Variants in MTOR observed in about 807,000 individuals in gnomAD.
MTOR encodes serine/threonine-protein kinase mTOR.
In MTOR, 70 loss-of-function variants were observed where a neutral mutation model predicts 319.8. That is an observed-to-expected ratio of 0.22 (90% CI 0.18 to 0.27). The LOEUF (loss-of-function observed/expected upper bound fraction) is 0.27, where lower values mean the gene tolerates loss of function less well. Among genes scored for constraint, MTOR ranks in the 10% least tolerant of loss-of-function variants. The pLI is 1.00. For synonymous variants in MTOR, 1,183 were observed against 1,211.4 expected (o/e 0.98, Z 0.49); for missense variants, 1,890 against 3,274.4 (o/e 0.58, Z 10.32).
intron 28 of MTOR, among the ~76,000 whole-genome samples, chr1:11,172,435 G>A (rs1035281422): frequency 6.7e-6 from 1 of 149,452 alleles, no homozygotes; most frequent in Non-Finnish European, 1.5e-5. Context: ...GTGGGCGCCT[G>A]TATAGTCCTA....
At chr1:11,113,010 T>C in intron 53 of MTOR, 93 bp from the exon 54 acceptor site, 4 of 1,345,564 alleles carry the variant, frequency 3.0e-6, no homozygotes, top group Non-Finnish European at 4.2e-6. Context: ...AATATAATTG[T>C]TCGTAAAGCT....
intron 6 of MTOR, among the ~76,000 whole-genome samples, chr1:11,249,520 C>G (rs1649315262): frequency 6.8e-6 from 1 of 148,142 alleles, no homozygotes; most frequent in South Asian, 2.2e-4. Context: ...AGCAGATAAA[C>G]AAGTGAACAA....
chr1:11,194,430 A>G (rs1408643138), intron 28 of MTOR: 3 of 1,609,114 alleles, frequency 1.9e-6, no homozygotes, highest in African/African-American at 2.7e-5. Flanking sequence ...AGCCTGCTGC[A>G]CTTTCTTTAA....
chr1:11,135,874 C>T (rs1022114844), intron 36 of MTOR, among the ~76,000 whole-genome samples: 4 of 151,468 alleles, frequency 2.6e-5, no homozygotes, highest in African/African-American at 9.7e-5. Context: ...GTGGCTCACG[C>T]CTGTAATCTC....
chr1:11,212,942 G>A lies in MTOR; in HGVS notation c.3286-34C>T, dbSNP rs1646357226. On this transcript the variant is annotated intron_variant, in intron 21 of 57. Transcript: ENST00000361445. This position sits in a 1 kb window ranked among gnomAD's most constrained non-coding sequence, Gnocchi z 4.1. The stretch of plus-strand genomic sequence containing the variant: ...GGGAGCAAAAGCATGGTGATGAATA[G>A]TCAGGTCCCAAGTATCTAAGGACAC... 6.5e-7 allele frequency: 1 copy of A among 1,545,622 alleles called. No individual in the cohort carries two copies.
At chr1:11,184,130 T>C (rs1379054019) in intron 28 of MTOR, among the ~76,000 whole-genome samples, 1 of 152,202 alleles carries the variant, frequency 6.6e-6, no homozygotes, top group Non-Finnish European at 1.5e-5. Context: ...TATCCAAAAA[T>C]ACCTTGGTTA....
In MTOR at chr1:11,130,520, GA is replaced by G; in HGVS notation, c.5613+8del. 6.2e-7 allele frequency: 1 copy of G among 1,609,396 alleles called. No homozygotes were observed. The highest frequency in any genetic ancestry group is 8.5e-7 in the Non-Finnish European group (1 of 1,177,198). On this transcript the variant is annotated splice_region_variant and intron_variant, in intron 39 of 57. Transcript: ENST00000361445. ...GGTTGGTTGTTAATAAGGAAGAAGG[GA>G]AGGGTACCTCAGTGACCTTCTTCTG...
chr1:11,149,559 C>T (rs1188902805), intron 31 of MTOR: 1 of 152,592 alleles, frequency 6.6e-6, no homozygotes, highest in Non-Finnish European at 1.5e-5. Context: ...TAAAGTGTCT[C>T]CTTTTGTTCT....
intron 56 of MTOR, 22 bp from the exon 57 acceptor site, chr1:11,108,308 C>T (rs1044565049): frequency 3.2e-6 from 5 of 1,575,216 alleles, no homozygotes; most frequent in Non-Finnish European, 4.4e-6. Context: ...GGAACAAAAA[C>T]ATTTCACTCT....
intron 5 of MTOR, 59 bp from the exon 6 acceptor site, chr1:11,254,032 A>T: frequency 1.9e-6 from 3 of 1,602,532 alleles, no homozygotes; most frequent in Non-Finnish European, 2.6e-6. Context: ...GAAAGAATAC[A>T]GGCCCATCCC....
intron 28 of MTOR, chr1:11,194,994 A>C: frequency 1.2e-6 from 2 of 1,613,976 alleles, no homozygotes; most frequent in East Asian, 2.2e-5. Context: ...GGTGGAGATG[A>C]AAATCCGCCC....
At position 11,160,656 on chromosome 1, in the gene MTOR, T is replaced by C. The variant is rs117191916; in HGVS notation, c.4330-3365A>G. 3.5e-4 allele frequency among the ~76,000 whole-genome samples: 53 copies of C among 152,354 alleles called. No homozygotes were observed. The East Asian group carries it at 8.7e-3, about 25-fold the overall frequency. On this transcript the variant is annotated intron_variant, in intron 29 of 57. Coordinates refer to ENST00000361445, the MANE Select transcript of MTOR (RefSeq NM_004958.4). ...AAAATGTGATAACAGCAGTAACCAC[T>C]TCATAGCATTGTTGTGAGGACCAAA... is the stretch of plus-strand genomic sequence containing the variant.
chr1:11,173,297 T>C (rs1644881524), intron 28 of MTOR, among the ~76,000 whole-genome samples: 1 of 151,186 alleles, frequency 6.6e-6, no homozygotes, highest in Admixed American at 6.6e-5. Context: ...CCTAGCCCAC[T>C]CTCTTTTTTT....
At chr1:11,135,067 G>A (rs1643339860) in intron 36 of MTOR, among the ~76,000 whole-genome samples, 1 of 152,174 alleles carries the variant, frequency 6.6e-6, no homozygotes, top group Admixed American at 6.6e-5. Flanking sequence ...TCCTAAAGCA[G>A]CTAGATCTAT....
chr1:11,184,473 C>T (rs1317936413), intron 28 of MTOR, among the ~76,000 whole-genome samples: 2 of 152,146 alleles, frequency 1.3e-5, no homozygotes, highest in African/African-American at 4.8e-5. Flanking sequence ...GTGGCTCAGG[C>T]CTATAATCCT....
rs542785234 is a variant in MTOR, at chr1:11,194,508, G to A, written c.4253+4750C>T. Reference sequence around the variant, plus strand: ...ACGCTGAGTATAGCCACTTTGTTTTGGGCAATGAACTCAACAGCTATCGCC... The same window carrying A: ...ACGCTGAGTATAGCCACTTTGTTTTAGGCAATGAACTCAACAGCTATCGCC... On this transcript the variant is annotated intron_variant, in intron 28 of 57. Transcript: ENST00000361445. The A allele has an allele frequency of 1.8e-4, 297 of 1,614,124 alleles. 1 individual carries two copies. In the South Asian group the frequency reaches 2.9e-3, roughly 16 times the overall value.
intron 28 of MTOR, among the ~76,000 whole-genome samples, chr1:11,176,370 G>A (rs934883763): frequency 3.9e-5 from 6 of 152,182 alleles, no homozygotes; most frequent in Admixed American, 1.3e-4. Context: ...CACACAAGGC[G>A]GCGCCTGTCG....
In MTOR at chr1:11,109,741, G is replaced by T. The variant is rs749909793; in HGVS notation, c.7367-12C>A. 1.2e-5 allele frequency: 20 copies of T among 1,612,668 alleles called. No individual in the cohort carries two copies. The highest frequency in any genetic ancestry group is 3.3e-5 in the Admixed American group (2 of 59,954). ...ACCGTCCAAAATTTCTATGGGAAAA[G>T]AAATCAATTAACAGAAAATTCAAAC... is the stretch of plus-strand genomic sequence containing the variant. On this transcript the variant is annotated splice_polypyrimidine_tract_variant and intron_variant, in intron 54 of 57. Coordinates refer to ENST00000361445, the MANE Select transcript of MTOR (RefSeq NM_004958.4). The surrounding 1 kb of genome is among the most constrained non-coding windows in gnomAD (Gnocchi z 4.0).
intron 26 of MTOR, among the ~76,000 whole-genome samples, chr1:11,203,488 A>G (rs1646045218): frequency 1.3e-5 from 2 of 152,254 alleles, no homozygotes; most frequent in South Asian, 4.1e-4. Context: ...CAGCCTGGCC[A>G]ACATGGCGAA....
Sources: allele counts gnomAD v4.1 joint callset (sites outside exome capture counted in the v4.1 genomes callset), GRCh38; gene constraint gnomAD v4.1.1; non-coding constraint Gnocchi (gnomAD v3.1); transcripts MANE v1.5; gene names NCBI Gene and HGNC (gene_info 2026-07-23, HGNC 2026-07-21).